Variants in SYTL3 observed in about 807,000 individuals in gnomAD.
SYTL3 encodes the protein synaptotagmin-like protein 3.
In SYTL3, 88 loss-of-function variants were observed where a neutral mutation model predicts 82.1. The ratio of observed to expected loss-of-function variants is 1.07; its 90% confidence interval spans 0.90 to 1.28. SYTL3 has a LOEUF of 1.28. SYTL3 is among the 50% of genes most tolerant of loss of function. The probability of loss-of-function intolerance (pLI) is 0.00; values close to 1 mark genes in which losing one functional copy is unlikely to be tolerated. For missense variants in SYTL3, 831 were observed against 757.6 expected (o/e 1.10, Z -1.14); for synonymous variants, 311 against 289.4 (o/e 1.07, Z -0.76).
rs575354221 is a variant in SYTL3, at chr6:158,763,339, T to C, written c.1553T>C (p.Leu518Pro). 1.1e-4 allele frequency: 184 copies of C among 1,614,230 alleles called. No individual in the cohort carries two copies. In the South Asian group the frequency reaches 1.6e-3, roughly 14 times the overall value. ...LTLPDQQKLR[L>P]KSPVLRKQAC... ...CTGCCAGACCAACAAAAACTGAGAC[T>C]GAAGTCGCCAGTCCTGAGGAAGCAG... Residue 518 changes from leucine to proline, a missense_variant, in exon 17 of 18, where the codon CTG becomes CCG. Leu to Pro is a moderately conservative substitution (Grantham distance 98). Coordinates refer to ENST00000611299, the MANE Select transcript of SYTL3 (RefSeq NM_001242394.2).
chr6:158,731,288 A>AG (rs1562436542), intron 11 of SYTL3, among the ~76,000 whole-genome samples: 2 of 152,036 alleles, frequency 1.3e-5, no homozygotes, highest in African/African-American at 4.8e-5. Context: ...CATCTCAAAA[A>AG]AAAACAAAAC....
chr6:158,703,813 TATTATTATC>T (rs1468826972), intron 6 of SYTL3, among the ~76,000 whole-genome samples: 1,573 of 43,004 alleles, frequency 0.037, 35 homozygotes, highest in African/African-American at 0.18. Context: ...GTGGGTTTTA[TATTATTATC>T]ATTATTATTA....
intron 11 of SYTL3, among the ~76,000 whole-genome samples, chr6:158,734,491 A>G (rs1196422261): frequency 6.6e-6 from 1 of 151,690 alleles, no homozygotes; most frequent in Non-Finnish European, 1.5e-5. Flanking sequence ...CGCTCATTCC[A>G]CTCAGCTGCA....
At chr6:158,717,148 C>T (rs1288006721) in intron 9 of SYTL3, among the ~76,000 whole-genome samples, 1 of 139,754 alleles carries the variant, frequency 7.2e-6, no homozygotes, top group Non-Finnish European at 1.5e-5. Flanking sequence ...GTGACACACA[C>T]CTGTAATCCC....
Position 158,651,755 on chromosome 6 carries a change from T to G in SYTL3, c.-724T>G, listed in dbSNP as rs1788049218. 6.6e-6 allele frequency: 1 copy of G among 151,760 alleles called. No individual in the cohort carries two copies. 9.4% of individuals were successfully genotyped at this position (151,760 alleles called of 1,614,324 possible). A position where few individuals can be genotyped will look rare whatever the true frequency, so the allele number is the denominator to read the frequency against. The stretch of plus-strand genomic sequence containing the variant: ...TTGTTGTTTTTGGGTGGTAAAAGGC[T>G]CCCCGAATGAGAAAGAATACTCGGA... On this transcript the variant is annotated splice_region_variant and 5_prime_UTR_variant, in exon 2 of 18. Coordinates refer to ENST00000611299, the MANE Select transcript of SYTL3 (RefSeq NM_001242394.2).
At chr6:158,720,431 A>G (rs1272574139) in intron 10 of SYTL3, among the ~76,000 whole-genome samples, 1 of 136,394 alleles carries the variant, frequency 7.3e-6, no homozygotes, top group Non-Finnish European at 1.6e-5. Flanking sequence ...AAAAAGCCTG[A>G]GTTTTAGTGA....
chr6:158,757,490 G>C (rs1789285040), intron 14 of SYTL3, 109 bp downstream of exon 14: 3 of 1,236,442 alleles, frequency 2.4e-6, no homozygotes, highest in Non-Finnish European at 3.4e-6. Flanking sequence ...TTGGACCCAA[G>C]ACTGTGTGTT....
intron 6 of SYTL3, among the ~76,000 whole-genome samples, chr6:158,689,820 A>G (rs1350512108): frequency 2.0e-5 from 3 of 151,828 alleles, no homozygotes; most frequent in African/African-American, 7.3e-5. Flanking sequence ...TGCTCAGCTG[A>G]TTTTTGTATT....
chr6:158,691,604 C>T (rs982832710), intron 6 of SYTL3, among the ~76,000 whole-genome samples: 1 of 152,030 alleles, frequency 6.6e-6, no homozygotes, highest in African/African-American at 2.4e-5. Flanking sequence ...CATTCTGTTA[C>T]TTGATGTACA....
chr6:158,727,390 C>G (rs867808701), intron 11 of SYTL3, among the ~76,000 whole-genome samples: 15 of 151,854 alleles, frequency 9.9e-5, no homozygotes, highest in Non-Finnish European at 2.1e-4. Flanking sequence ...AGGCTGGTCT[C>G]GAACTCTTGA....
Position 158,751,860 on chromosome 6 carries a change from GC to G in SYTL3, c.1035-63del, listed in dbSNP as rs1788427248. 9 of 1,198,794 alleles carry G rather than the reference GC, an allele frequency of 7.5e-6. No individual in the cohort carries two copies. The East Asian group carries it at 2.5e-4, about 33-fold the overall frequency. 74.3% of individuals were successfully genotyped at this position (1,198,794 alleles called of 1,614,324 possible). ...AACGCTGGCATGTGGGTTCTCTGCT[GC>G]CCCCAAACTCTTTATCCACCCCTTT... On this transcript the variant is annotated intron_variant, in intron 12 of 17. Coordinates refer to ENST00000611299, the MANE Select transcript of SYTL3 (RefSeq NM_001242394.2).
chr6:158,675,309 T>G (rs1412579324), intron 5 of SYTL3, among the ~76,000 whole-genome samples: 1 of 152,186 alleles, frequency 6.6e-6, no homozygotes, highest in Non-Finnish European at 1.5e-5. Flanking sequence ...GGAGAGTTAT[T>G]CGTGTTTTGT....
At chr6:158,713,660 C>A in intron 8 of SYTL3, 140 bp from the exon 9 acceptor site, 1 of 673,900 alleles carries the variant, frequency 1.5e-6, no homozygotes, top group Non-Finnish European at 2.7e-6. Context: ...CCCATGCCCA[C>A]CTGCACCCCC....
intron 5 of SYTL3, among the ~76,000 whole-genome samples, chr6:158,671,447 T>C (rs984960557): frequency 6.6e-6 from 1 of 152,298 alleles, no homozygotes; most frequent in Non-Finnish European, 1.5e-5. Context: ...CAAGACAGTT[T>C]AGCATCCAGG....
At position 158,676,124 on chromosome 6, in the gene SYTL3, T is replaced by G. The variant is rs12182878; in HGVS notation, c.330-6801T>G. ...CAATCCTAAGCCAAAAGAACAAAGC[T>G]GGAGGCATCACACTACCTGACTTCA... is the stretch of plus-strand genomic sequence containing the variant. On this transcript the variant is annotated intron_variant, in intron 5 of 17. Coordinates refer to ENST00000611299, the MANE Select transcript of SYTL3 (RefSeq NM_001242394.2). Among the ~76,000 whole-genome samples, 650 of 152,300 alleles carry G rather than the reference T, an allele frequency of 4.3e-3. 9 individuals carry two copies. Among genetic ancestry groups the G allele is most frequent in the African/African-American group, 0.015 (630 of 41,556 alleles).
chr6:158,734,453 C>T (rs1378180850), intron 11 of SYTL3, among the ~76,000 whole-genome samples: 5 of 152,206 alleles, frequency 3.3e-5, no homozygotes, highest in Middle Eastern at 3.4e-3. Context: ...CACTCTGGCC[C>T]GACCTCACCA....
intron 15 of SYTL3, among the ~76,000 whole-genome samples, chr6:158,761,587 C>G (rs1359653502): frequency 6.6e-6 from 1 of 152,110 alleles, no homozygotes; most frequent in African/African-American, 2.4e-5. Flanking sequence ...GGATTACAGG[C>G]GTGAGCCACC....
intron 2 of SYTL3, among the ~76,000 whole-genome samples, chr6:158,658,828 C>A (rs1386624949): frequency 6.6e-6 from 1 of 152,120 alleles, no homozygotes; most frequent in Non-Finnish European, 1.5e-5. Context: ...ACTCGGGAGG[C>A]TGAGGCAGGA....
intron 13 of SYTL3, 28 bp from the exon 14 acceptor site, chr6:158,757,183 G>A (rs1789235673): frequency 1.3e-6 from 2 of 1,598,342 alleles, no homozygotes; most frequent in Non-Finnish European, 1.7e-6. Flanking sequence ...CGGGAGCCCA[G>A]CTGACCATCT....
Sources: allele counts gnomAD v4.1 joint callset (sites outside exome capture counted in the v4.1 genomes callset), GRCh38; gene constraint gnomAD v4.1.1; transcripts MANE v1.5; gene names NCBI Gene and HGNC (gene_info 2026-07-23, HGNC 2026-07-21).